Variants in COA1 observed in about 807,000 individuals in gnomAD.
COA1 encodes the protein cytochrome c oxidase assembly factor 1.
COA1 carries 13 observed loss-of-function variants against 16.0 expected under a neutral mutation model. The observed-to-expected ratio is 0.81, with a 90% CI of 0.53 to 1.29. COA1 has a LOEUF of 1.29. COA1 is among the 50% of genes most tolerant of loss of function. The probability of loss-of-function intolerance (pLI) is 0.00; values close to 1 mark genes in which losing one functional copy is unlikely to be tolerated. For synonymous variants in COA1, 65 were observed against 65.7 expected (o/e 0.99, Z 0.05); for missense variants, 179 against 177.0 (o/e 1.01, Z -0.06).
intron 6 of COA1, among the ~76,000 whole-genome samples, chr7:43,610,930 A>G (rs139423265): frequency 9.1e-4 from 139 of 152,280 alleles, no homozygotes; most frequent in African/African-American, 3.2e-3. Context: ...CAGCCTAGCC[A>G]ACATGGTGAA....
At chr7:43,679,491 G>A (rs2093674757) in intron 1 of COA1, among the ~76,000 whole-genome samples, 1 of 152,076 alleles carries the variant, frequency 6.6e-6, no homozygotes, top group East Asian at 1.9e-4. Context: ...CATCTAATCT[G>A]AGATTCTCCT....
chr7:43,619,474 A>G, intron 6 of COA1: 5 of 1,234,600 alleles, frequency 4.0e-6, no homozygotes, highest in Non-Finnish European at 5.6e-6. Flanking sequence ...TCTTTAACAA[A>G]TGACTGTTTA....
intron 1 of COA1, chr7:43,659,251 A>G (rs2092173043): frequency 1.3e-5 from 2 of 152,240 alleles, no homozygotes; most frequent in Admixed American, 6.5e-5. Context: ...CGCATAGCAG[A>G]GTGATTTCTG....
chr7:43,610,147 C>T (rs1234389425), intron 6 of COA1, among the ~76,000 whole-genome samples: 1 of 150,668 alleles, frequency 6.6e-6, no homozygotes, highest in Non-Finnish European at 1.5e-5. Context: ...GAGATCGAGA[C>T]CATCCTGGCT....
Position 43,706,263 on chromosome 7 carries a change from C to T in COA1, c.-39+23166G>A, listed in dbSNP as rs543487666. The stretch of plus-strand genomic sequence containing the variant: ...TATTAATATTAGAATCCAAGCCAGG[C>T]GCAGTGGCTCACGCCTGTAATCCCA... On this transcript the variant is annotated intron_variant, in intron 1 of 5. Transcript: ENST00000223336. Among the ~76,000 whole-genome samples, 18 of 152,214 alleles carry T rather than the reference C, an allele frequency of 1.2e-4. 1 individual carries two copies. In the South Asian group the frequency reaches 3.7e-3, roughly 32 times the overall value.
At chr7:43,724,844 A>G (rs1004142010) in intron 1 of COA1, among the ~76,000 whole-genome samples, 13 of 152,266 alleles carry the variant, frequency 8.5e-5, no homozygotes, top group Admixed American at 7.8e-4. Context: ...AGGACCCTAG[A>G]ATAGTCACAT....
chr7:43,639,021 T>C (rs1207564493), downstream of COA1: 3 of 152,270 alleles, frequency 2.0e-5, no homozygotes, highest in East Asian at 5.8e-4. Flanking sequence ...GTGTCTGAAA[T>C]AGAAATAAAT....
intron 1 of COA1, among the ~76,000 whole-genome samples, chr7:43,711,968 C>A (rs1404317007): frequency 6.6e-6 from 1 of 152,144 alleles, no homozygotes; most frequent in Non-Finnish European, 1.5e-5. Context: ...GTGTCCACTA[C>A]CCCTATTAAA....
chr7:43,630,352 CTA>C, intron 6 of COA1, among the ~76,000 whole-genome samples: 1 of 152,138 alleles, frequency 6.6e-6, no homozygotes, highest in Non-Finnish European at 1.5e-5. Context: ...AAAAATAAAA[CTA>C]TTTTTCCTAA....
At chr7:43,635,983 T>TAA (rs1169296760), downstream of COA1, among the ~76,000 whole-genome samples, 2 of 152,206 alleles carry the variant, frequency 1.3e-5, no homozygotes, top group African/African-American at 4.8e-5. Flanking sequence ...TGTGATCTGA[T>TAA]AAGTCAATTA....
intron 1 of COA1, among the ~76,000 whole-genome samples, chr7:43,705,393 C>G (rs926090146): frequency 2.6e-5 from 4 of 152,200 alleles, no homozygotes; most frequent in Admixed American, 2.6e-4. Flanking sequence ...TGGCAGGGGT[C>G]TGGGTCCATT....
chr7:43,695,390 G>T (rs1254790223), intron 1 of COA1, among the ~76,000 whole-genome samples: 2 of 152,148 alleles, frequency 1.3e-5, no homozygotes, highest in East Asian at 3.9e-4. Flanking sequence ...AGACATGAGG[G>T]TCTTATTTGG....
chr7:43,623,839 T>A, intron 6 of COA1: 1 of 1,599,496 alleles, frequency 6.3e-7, no homozygotes, highest in Non-Finnish European at 8.5e-7. Context: ...TGATGTTTTG[T>A]CTGAGTCGGC....
intron 5 of COA1, among the ~76,000 whole-genome samples, chr7:43,640,129 T>A (rs1324083452): frequency 1.3e-5 from 2 of 152,022 alleles, no homozygotes; most frequent in African/African-American, 4.8e-5. Flanking sequence ...AGGCTTCCCG[T>A]GGGGGAAGTG....
intron 1 of COA1, among the ~76,000 whole-genome samples, chr7:43,694,203 C>T (rs908798411): frequency 1.7e-4 from 26 of 148,732 alleles, no homozygotes; most frequent in African/African-American, 5.8e-4. Flanking sequence ...CATCAATTTC[C>T]CCCTCTCTAT....
chr7:43,648,061 T>A (rs978871061), intron 2 of COA1: 1 of 198,698 alleles, frequency 5.0e-6, no homozygotes, highest in Non-Finnish European at 1.0e-5. Flanking sequence ...GGGCTGGAGC[T>A]GTCACTGGCT....
At chr7:43,662,471 C>T (rs7787033) in intron 1 of COA1, among the ~76,000 whole-genome samples, 1,565 of 152,284 alleles carry the variant, frequency 0.01, 27 homozygotes, top group African/African-American at 0.036. Flanking sequence ...ACCTCGTGAT[C>T]CATCCACCTC....
intron 6 of COA1, among the ~76,000 whole-genome samples, chr7:43,628,161 AT>A (rs200379950): frequency 6.8e-4 from 101 of 148,480 alleles, no homozygotes; most frequent in African/African-American, 2.3e-3. Context: ...TAATTTTTGT[AT>A]TTTTTTTTTA....
chr7:43,691,411 G>GAAA (rs1563385051), intron 1 of COA1, among the ~76,000 whole-genome samples: 20 of 104,354 alleles, frequency 1.9e-4, no homozygotes, highest in Admixed American at 3.3e-4. Flanking sequence ...AAGGAAGGAA[G>GAAA]GAAGAAAGAA....
Sources: allele counts gnomAD v4.1 joint callset (sites outside exome capture counted in the v4.1 genomes callset), GRCh38; gene constraint gnomAD v4.1.1; transcripts MANE v1.5; gene names NCBI Gene and HGNC (gene_info 2026-07-23, HGNC 2026-07-21).